OR4Q3: variants seen among roughly 807,000 people sequenced by gnomAD.
OR4Q3 encodes olfactory receptor 4Q3.
OR4Q3 carries 17 observed loss-of-function variants against 18.8 expected under a neutral mutation model. The observed-to-expected ratio is 0.91, with a 90% confidence interval of 0.62 to 1.36. The LOEUF (loss-of-function observed/expected upper bound fraction) is 1.36, where lower values mean the gene tolerates loss of function less well. OR4Q3 is among the 40% of genes most tolerant of loss of function. The pLI is 0.00. For missense variants in OR4Q3, 378 were observed against 373.4 expected (o/e 1.01, Z -0.10); for synonymous variants, 158 against 145.8 (o/e 1.08, Z -0.60).
exon 2 of OR4Q3, chr14:19,747,424 C>G: frequency 1.3e-6 from 2 of 1,585,572 alleles, no homozygotes; most frequent in Non-Finnish European, 1.7e-6. Context: ...ATATTCTTGG[C>G]TTGATGAAAA....
exon 2 of OR4Q3, chr14:19,749,033 TTC>T: frequency 6.6e-6 from 1 of 152,544 alleles, no homozygotes; most frequent in East Asian, 1.9e-4. Flanking sequence ...TTGTAGAGGC[TTC>T]TCAAGAAGAG....
At chr14:19,747,082 C>T in intron 1 of OR4Q3, among the ~76,000 whole-genome samples, 2 of 152,208 alleles carry the variant, frequency 1.3e-5, no homozygotes, top group Non-Finnish European at 2.9e-5. Flanking sequence ...CTAGATACTC[C>T]ATTCCAGAAC....
At chr14:19,744,715 G>T (rs1293630810) in intron 1 of OR4Q3, among the ~76,000 whole-genome samples, 1 of 152,168 alleles carries the variant, frequency 6.6e-6, no homozygotes, top group Non-Finnish European at 1.5e-5. Context: ...GCTTGATAAG[G>T]TCTCATCTTA....
At chr14:19,748,239 T>G in exon 2 of OR4Q3, 1 of 1,614,026 alleles carries the variant, frequency 6.2e-7, no homozygotes, top group Non-Finnish European at 8.5e-7. Flanking sequence ...GTGGATAAGA[T>G]ATTCTCCTTG....
intron 1 of OR4Q3, among the ~76,000 whole-genome samples, chr14:19,745,416 A>G: frequency 6.6e-6 from 1 of 152,198 alleles, no homozygotes; most frequent in Non-Finnish European, 1.5e-5. Flanking sequence ...GGAAAAAACA[A>G]GTGTACCATA....
At chr14:19,747,383 G>T in intron 1 of OR4Q3, 23 bp from the exon 2 acceptor site, 2 of 1,284,330 alleles carry the variant, frequency 1.6e-6, no homozygotes, top group East Asian at 2.3e-5. Context: ...AATCTCCCTT[G>T]TTCTGATTTA....
intron 1 of OR4Q3, among the ~76,000 whole-genome samples, chr14:19,744,002 C>T (rs1429632000): frequency 2.6e-5 from 4 of 152,156 alleles, no homozygotes; most frequent in Non-Finnish European, 5.9e-5. Flanking sequence ...CCTAATTCTG[C>T]TATAGTCCCT....
downstream of OR4Q3, among the ~76,000 whole-genome samples, chr14:19,751,434 G>A: frequency 1.3e-5 from 2 of 151,994 alleles, no homozygotes; most frequent in Non-Finnish European, 2.9e-5. Flanking sequence ...TTATTTTTTT[G>A]GGAATAGTTT....
exon 2 of OR4Q3, chr14:19,747,916 A>G: frequency 1.2e-6 from 2 of 1,613,900 alleles, no homozygotes; most frequent in East Asian, 4.5e-5. Context: ...AGGTCATACT[A>G]GTCATCCAGC....
downstream of OR4Q3, among the ~76,000 whole-genome samples, chr14:19,751,477 T>C: frequency 6.6e-6 from 1 of 152,110 alleles, no homozygotes; most frequent in African/African-American, 2.4e-5. Context: ...TCTTTATATG[T>C]CTGGTAGAAT....
intron 1 of OR4Q3, among the ~76,000 whole-genome samples, chr14:19,745,177 G>C: frequency 6.6e-6 from 1 of 152,120 alleles, no homozygotes; most frequent in African/African-American, 2.4e-5. Context: ...AATCTTATCA[G>C]AGTAATCACC....
chr14:19,749,815 TCTTA>T, downstream of OR4Q3, among the ~76,000 whole-genome samples: 186 of 151,450 alleles, frequency 1.2e-3, no homozygotes, highest in Non-Finnish European at 2.0e-3. Flanking sequence ...TCTCTCTATT[TCTTA>T]GAGTATTTAT....
chr14:19,746,463 A>T, intron 1 of OR4Q3, among the ~76,000 whole-genome samples: 368 of 152,006 alleles, frequency 2.4e-3, no homozygotes, highest in Non-Finnish European at 3.9e-3. Flanking sequence ...AAGCAACACA[A>T]CTCTGGTTTC....
At chr14:19,751,207 CTGTT>C, downstream of OR4Q3, among the ~76,000 whole-genome samples, 611 of 152,206 alleles carry the variant, frequency 4.0e-3, 1 homozygote, top group South Asian at 0.038. Context: ...TTTCAAGTCT[CTGTT>C]TGTTTCCAGG....
intron 1 of OR4Q3, among the ~76,000 whole-genome samples, 197 bp downstream of exon 1, chr14:19,743,868 C>T (rs571237183): frequency 2.1e-4 from 32 of 152,208 alleles, no homozygotes; most frequent in Non-Finnish European, 4.3e-4. Context: ...AGTGAAATTC[C>T]TATAGCATCA....
chr14:19,747,928 G>A, exon 2 of OR4Q3: 58 of 1,613,868 alleles, frequency 3.6e-5, no homozygotes, highest in Non-Finnish European at 4.6e-5. Flanking sequence ...TCATCCAGCT[G>A]CCTTTCTGTG....
intron 1 of OR4Q3, among the ~76,000 whole-genome samples, chr14:19,745,195 T>G: frequency 6.6e-6 from 1 of 152,196 alleles, no homozygotes; most frequent in Non-Finnish European, 1.5e-5. Context: ...ACCTAGGAAC[T>G]GTCCAGAATA....
chr14:19,748,587 T>A, exon 2 of OR4Q3: 2 of 508,382 alleles, frequency 3.9e-6, no homozygotes, highest in Non-Finnish European at 6.9e-6. Flanking sequence ...ACTCAGGAAC[T>A]CAGTAGAATT....
intron 1 of OR4Q3, among the ~76,000 whole-genome samples, chr14:19,744,221 AT>A (rs1877378402): frequency 6.6e-6 from 1 of 152,198 alleles, no homozygotes; most frequent in Non-Finnish European, 1.5e-5. Context: ...TTCAGGAGAA[AT>A]TTAAAAATGC....
Sources: gnomAD v4.1 joint callset for allele counts (sites outside exome capture counted in the v4.1 genomes callset) on GRCh38, gnomAD v4.1.1 for gene constraint, MANE v1.5 for transcripts, NCBI Gene and HGNC (gene_info 2026-07-23, HGNC 2026-07-21) for gene names.